Variants in CWC27 observed in about 807,000 individuals in gnomAD.
CWC27 encodes spliceosome-associated protein CWC27 homolog.
In CWC27, 47 loss-of-function variants were observed where a neutral mutation model predicts 63.6. The ratio of observed to expected loss-of-function variants is 0.74; its 90% CI spans 0.58 to 0.94. The LOEUF is 0.94. Ranked by LOEUF, CWC27 falls within the 40% of genes least tolerant of loss-of-function variation. The pLI, the probability that CWC27 is intolerant of heterozygous loss-of-function variation, is 0.00. For missense variants in CWC27, 495 were observed against 554.3 expected (o/e 0.89, Z 1.07); for synonymous variants, 175 against 179.8 (o/e 0.97, Z 0.22).
chr5:64,962,253 T>TA (rs1167080187), intron 11 of CWC27, among the ~76,000 whole-genome samples: 19 of 152,204 alleles, frequency 1.2e-4, no homozygotes, highest in African/African-American at 4.1e-4. Flanking sequence ...AAATGCTGGA[T>TA]AAAATATGAT....
chr5:65,016,660 C>G (rs1750053722), intron 13 of CWC27, among the ~76,000 whole-genome samples: 1 of 152,112 alleles, frequency 6.6e-6, no homozygotes, highest in Non-Finnish European at 1.5e-5. Flanking sequence ...TGAGCAGCAG[C>G]TACTGAACCC....
chr5:64,771,924 GT>G (rs1437142277), intron 1 of CWC27, among the ~76,000 whole-genome samples: 2 of 152,126 alleles, frequency 1.3e-5, no homozygotes, highest in African/African-American at 4.8e-5. Flanking sequence ...TAAGTTGCCT[GT>G]GGCCAAAAAA....
chr5:64,966,258 T>C (rs1480901474), intron 11 of CWC27, among the ~76,000 whole-genome samples: 2 of 152,124 alleles, frequency 1.3e-5, no homozygotes, highest in African/African-American at 2.4e-5. Flanking sequence ...GAAATGTATT[T>C]GTATGGAGAG....
chr5:64,885,738 T>TGTGTGTG (rs60595588), intron 11 of CWC27, among the ~76,000 whole-genome samples, 192 bp downstream of exon 11: 16 of 141,386 alleles, frequency 1.1e-4, no homozygotes, highest in South Asian at 2.1e-4. Context: ...TGTGTGTGTG[T>TGTGTGTG]TTTTAATACT....
intron 10 of CWC27, among the ~76,000 whole-genome samples, chr5:64,833,394 G>GAAT (rs968077689): frequency 6.6e-6 from 1 of 151,702 alleles, no homozygotes; most frequent in African/African-American, 2.4e-5. Context: ...AGCGATGGAG[G>GAAT]AATAAATGCC....
intron 11 of CWC27, among the ~76,000 whole-genome samples, chr5:64,929,305 A>G (rs927586758): frequency 6.6e-6 from 1 of 152,108 alleles, no homozygotes; most frequent in African/African-American, 2.4e-5. Context: ...GAAAGGAACC[A>G]GGGTAATTTG....
In CWC27 at chr5:65,008,964, A is replaced by G. The variant is rs528890602; in HGVS notation, c.1257-9195A>G. Among the ~76,000 whole-genome samples, 21 of 151,954 alleles carry G rather than the reference A, an allele frequency of 1.4e-4. No homozygotes were observed. The East Asian group carries it at 3.7e-3, about 27-fold the overall frequency. On this transcript the variant is annotated intron_variant, in intron 13 of 13. Coordinates refer to ENST00000381070, the MANE Select transcript of CWC27 (RefSeq NM_005869.4). ...TATGTAGTTGTCTATGCCCATTTAT[A>G]TTTCCATAAAGGAATGCCTGATGCT...
chr5:64,774,653 AAAT>A, intron 1 of CWC27, 35 bp from the exon 2 acceptor site: 1 of 1,268,186 alleles, frequency 7.9e-7, no homozygotes, highest in South Asian at 1.5e-5. Context: ...TTATTAAGCA[AAAT>A]AATAATTTAA....
chr5:64,900,490 T>C lies in CWC27; in HGVS notation c.1042+14944T>C, dbSNP rs79545805. Among the ~76,000 whole-genome samples the C allele has an allele frequency of 1.5e-3, 221 of 152,332 alleles. 1 individual carries two copies. Among genetic ancestry groups the C allele is most frequent in the African/African-American group, 4.9e-3 (203 of 41,584 alleles). On this transcript the variant is annotated intron_variant, in intron 11 of 13. Transcript: ENST00000381070. ...TATCAGATATATGATTTGTAAATAT[T>C]TCTCTCAAACGGTGGCTTATATTTT...
At chr5:64,889,301 G>T (rs926605440) in intron 11 of CWC27, among the ~76,000 whole-genome samples, 1 of 152,150 alleles carries the variant, frequency 6.6e-6, no homozygotes, top group African/African-American at 2.4e-5. Flanking sequence ...TATTGGCATG[G>T]TTTTGATCAC....
At chr5:64,806,103 T>C (rs1365493863) in intron 10 of CWC27, among the ~76,000 whole-genome samples, 1 of 149,778 alleles carries the variant, frequency 6.7e-6, no homozygotes, top group Non-Finnish European at 1.5e-5. Flanking sequence ...TTAACAGACA[T>C]TTAAAGCTTA....
intron 10 of CWC27, among the ~76,000 whole-genome samples, chr5:64,829,887 T>C (rs1272178145): frequency 6.6e-6 from 1 of 151,448 alleles, no homozygotes. Flanking sequence ...AGTGAGAACA[T>C]GCTGTGTTTG....
chr5:64,926,824 C>T (rs1748117323), intron 11 of CWC27, among the ~76,000 whole-genome samples: 1 of 152,092 alleles, frequency 6.6e-6, no homozygotes, highest in Non-Finnish European at 1.5e-5. Flanking sequence ...TTAGTTTGCC[C>T]TGAAAATCAA....
At chr5:64,834,597 G>A (rs1191874624) in intron 10 of CWC27, among the ~76,000 whole-genome samples, 2 of 151,698 alleles carry the variant, frequency 1.3e-5, no homozygotes, top group African/African-American at 2.4e-5. Context: ...AGAAAGTGGA[G>A]CGATTTCCAA....
At chr5:64,947,189 T>C (rs1190133745) in intron 11 of CWC27, among the ~76,000 whole-genome samples, 4 of 152,130 alleles carry the variant, frequency 2.6e-5, no homozygotes, top group Admixed American at 6.6e-5. Flanking sequence ...CTGTTCCACC[T>C]TGTTTCTCAT....
At chr5:64,850,760 A>G (rs1477049804) in intron 10 of CWC27, among the ~76,000 whole-genome samples, 1 of 152,226 alleles carries the variant, frequency 6.6e-6, no homozygotes, top group African/African-American at 2.4e-5. Context: ...CGGGACCTGA[A>G]AAGACATTTC....
At chr5:64,825,115 A>C (rs939835081) in intron 10 of CWC27, among the ~76,000 whole-genome samples, 1 of 152,166 alleles carries the variant, frequency 6.6e-6, no homozygotes, top group Non-Finnish European at 1.5e-5. Flanking sequence ...AAAATGAGCA[A>C]GTAGGTATAA....
chr5:64,949,389 A>T (rs554896477), intron 11 of CWC27, among the ~76,000 whole-genome samples: 1 of 152,112 alleles, frequency 6.6e-6, no homozygotes, highest in South Asian at 2.1e-4. Context: ...TTCTAGTCTG[A>T]GCTTTAATGT....
At chr5:64,915,250 T>A (rs1747868266) in intron 11 of CWC27, among the ~76,000 whole-genome samples, 2 of 152,226 alleles carry the variant, frequency 1.3e-5, no homozygotes, top group African/African-American at 4.8e-5. Flanking sequence ...TATGGGCTTG[T>A]ATATTTACAG....
Sources: allele counts gnomAD v4.1 joint callset (sites outside exome capture counted in the v4.1 genomes callset), GRCh38; gene constraint gnomAD v4.1.1; transcripts MANE v1.5; gene names NCBI Gene and HGNC (gene_info 2026-07-23, HGNC 2026-07-21).